MCM8: variants seen among roughly 807,000 people sequenced by gnomAD.
MCM8 encodes the protein DNA helicase MCM8.
In MCM8, 85 loss-of-function variants were observed where a neutral mutation model predicts 98.9. The observed-to-expected ratio is 0.86, with a 90% CI of 0.72 to 1.03. The LOEUF is 1.03. Among genes scored for constraint, MCM8 ranks in the 50% least tolerant of loss-of-function variants. The probability of loss-of-function intolerance (pLI) is 0.00; values close to 1 mark genes in which losing one functional copy is unlikely to be tolerated. For synonymous variants in MCM8, 352 were observed against 338.6 expected (o/e 1.04, Z -0.44); for missense variants, 951 against 997.8 (o/e 0.95, Z 0.63).
chr20:5,972,096 TA>T, intron 11 of MCM8, 59 bp downstream of exon 11: 1 of 1,382,174 alleles, frequency 7.2e-7, no homozygotes, highest in African/African-American at 1.5e-5. Flanking sequence ...AAATAACATA[TA>T]AAAACTTTAC....
At position 5,955,266 on chromosome 20, in the gene MCM8, T is replaced by C; in HGVS notation, c.486+15T>C. ...CAATACATCAGGTAACTATTTGTCT[T>C]ATGCATACTTTTGTCTAAACTTTTT... On this transcript the variant is annotated intron_variant, in intron 5 of 18. Transcript: ENST00000610722. The C allele has an allele frequency of 6.2e-7, 1 of 1,604,916 alleles. No homozygotes were observed.
chr20:5,982,957 A>C lies in MCM8; in HGVS notation c.1538-13A>C. The C allele has an allele frequency of 6.3e-7, 1 of 1,599,844 alleles. No homozygotes were observed. The highest frequency in any genetic ancestry group is 8.5e-7 in the Non-Finnish European group (1 of 1,175,492). ...AAAAATGTTTTTTCTGCTTTATTCT[A>C]CTTCGATTGTAGGTATTTGTGGAAT... On this transcript the variant is annotated splice_polypyrimidine_tract_variant and intron_variant, in intron 13 of 18. Transcript: ENST00000610722.
chr20:5,994,358 A>G lies in MCM8; in HGVS notation c.2490A>G (p.Lys830=), dbSNP rs2089914380. The change falls in exon 19 of 19, where the codon AAA becomes AAG. Residue 830 remains lysine, a synonymous_variant. Transcript: ENST00000610722. ...ATGACCAGGGTTACCTCTTGAAAAA[A>G]GGCCCAAAAGTTTACCAGCTTCAAA... is the stretch of plus-strand genomic sequence containing the variant. ...SLNDQGYLLK[K]GPKVYQLQTM 2 of 1,609,582 alleles carry G rather than the reference A, an allele frequency of 1.2e-6. No individual in the cohort carries two copies. Among genetic ancestry groups the G allele is most frequent in the East Asian group, 2.2e-5 (1 of 44,664 alleles).
In MCM8 at chr20:5,998,677, C is replaced by G. The variant is rs541646925; in HGVS notation, c.*4286C>G. The stretch of plus-strand genomic sequence containing the variant: ...TGTTTTACAGTCCTTTTAAATGTGG[C>G]TAGCTACAGTAGTTTGTGTTTCCTG... On this transcript the variant is annotated 3_prime_UTR_variant, in exon 19 of 19. Coordinates refer to ENST00000610722, the MANE Select transcript of MCM8 (RefSeq NM_032485.6). 1.3e-5 allele frequency: 2 copies of G among 152,308 alleles called. No individual in the cohort carries two copies. Among genetic ancestry groups the G allele is most frequent in the Admixed American group, 1.3e-4 (2 of 15,296 alleles). 9.4% of individuals were successfully genotyped at this position (152,308 alleles called of 1,614,324 possible). A position where few individuals can be genotyped will look rare whatever the true frequency, so the allele number is the denominator to read the frequency against.
chr20:5,957,524 A>G (rs1193256116), intron 6 of MCM8, among the ~76,000 whole-genome samples: 2 of 152,200 alleles, frequency 1.3e-5, no homozygotes, highest in Non-Finnish European at 2.9e-5. Flanking sequence ...TAATCCATGT[A>G]TGGGTTGAGT....
intron 2 of MCM8, 110 bp downstream of exon 2, chr20:5,952,273 T>G: frequency 6.4e-7 from 1 of 1,562,750 alleles, no homozygotes; most frequent in Non-Finnish European, 8.6e-7. Flanking sequence ...TTCATGCTAC[T>G]CCTTAGTAAG....
intron 10 of MCM8, among the ~76,000 whole-genome samples, chr20:5,971,597 T>C (rs530375580): frequency 8.5e-5 from 13 of 152,314 alleles, no homozygotes; most frequent in African/African-American, 1.7e-4. Context: ...CTTAGAGTAT[T>C]ATATACTGAG....
At chr20:5,976,006 G>A (rs1456923665) in intron 12 of MCM8, among the ~76,000 whole-genome samples, 4 of 152,038 alleles carry the variant, frequency 2.6e-5, no homozygotes, top group Non-Finnish European at 5.9e-5. Context: ...GCCACACTAA[G>A]CCAGGGTTTT....
Position 5,977,861 on chromosome 20 carries a change from T to A in MCM8, c.1396-15T>A. The A allele has an allele frequency of 6.2e-7, 1 of 1,611,984 alleles. No individual in the cohort carries two copies. Reference sequence around the variant, plus strand: ...TTTACTTTGGATGATTCTCTTAAACTTTTTGTTTCCTTAGGCAGCGTGCAA... The same window carrying A: ...TTTACTTTGGATGATTCTCTTAAACATTTTGTTTCCTTAGGCAGCGTGCAA... On this transcript the variant is annotated splice_polypyrimidine_tract_variant and intron_variant, in intron 12 of 18. Transcript: ENST00000610722.
chr20:5,964,075 C>T (rs1203099250), intron 8 of MCM8, among the ~76,000 whole-genome samples: 1 of 148,258 alleles, frequency 6.7e-6, no homozygotes. Flanking sequence ...ATTTTATGTT[C>T]TCAATGTTGC....
At chr20:5,959,891 G>T (rs532633145) in intron 7 of MCM8, among the ~76,000 whole-genome samples, 1 of 151,926 alleles carries the variant, frequency 6.6e-6, no homozygotes, top group Non-Finnish European at 1.5e-5. Context: ...TAGAGACAAG[G>T]TTTCACTATG....
At chr20:5,969,155 C>T (rs2122727289) in intron 10 of MCM8, among the ~76,000 whole-genome samples, 1 of 152,310 alleles carries the variant, frequency 6.6e-6, no homozygotes, top group South Asian at 2.1e-4. Context: ...AACATAACTA[C>T]TGCAACATAC....
At chr20:5,958,798 C>T in intron 7 of MCM8, 72 bp downstream of exon 7, 2 of 1,371,768 alleles carry the variant, frequency 1.5e-6, no homozygotes, top group East Asian at 2.3e-5. Context: ...AAAACATTTC[C>T]CAGTGTTTCT....
chr20:5,981,714 AAG>A (rs2089634749), intron 13 of MCM8, among the ~76,000 whole-genome samples: 1 of 152,232 alleles, frequency 6.6e-6, no homozygotes, highest in Non-Finnish European at 1.5e-5. Flanking sequence ...CGTAGGAAGA[AAG>A]AAAGACATTT....
chr20:5,984,762 TTTC>T lies in MCM8; in HGVS notation c.1734-16_1734-14del. 3 of 1,569,400 alleles carry T rather than the reference TTTC, an allele frequency of 1.9e-6. No individual in the cohort carries two copies. Among genetic ancestry groups the T allele is most frequent in the Non-Finnish European group, 2.6e-6 (3 of 1,145,184 alleles). ...TTTTGATTCCAATCATTGTTTCTTCTTTCTTTCATCCTTCATAGAATGGGGAGT... is the reference window on the plus strand; with the variant it reads ...TTTTGATTCCAATCATTGTTTCTTCTTTTCATCCTTCATAGAATGGGGAGT... On this transcript the variant is annotated splice_polypyrimidine_tract_variant and intron_variant, in intron 14 of 18. Coordinates refer to ENST00000610722, the MANE Select transcript of MCM8 (RefSeq NM_032485.6).
At chr20:5,976,454 T>G (rs2089513576) in intron 12 of MCM8, among the ~76,000 whole-genome samples, 1 of 151,766 alleles carries the variant, frequency 6.6e-6, no homozygotes, top group Non-Finnish European at 1.5e-5. Context: ...AAGGGGCTAG[T>G]TTTGTTTTTA....
At chr20:5,963,858 A>G (rs2089213325) in intron 8 of MCM8, among the ~76,000 whole-genome samples, 1 of 152,134 alleles carries the variant, frequency 6.6e-6, no homozygotes, top group African/African-American at 2.4e-5. Context: ...TTTGAAATTT[A>G]TTCTCTGTCA....
At position 5,958,522 on chromosome 20, in the gene MCM8, C is replaced by T. The variant is rs1750077694; in HGVS notation, c.591-6C>T. The T allele has an allele frequency of 3.7e-6, 6 of 1,611,430 alleles. No individual in the cohort carries two copies. Among genetic ancestry groups the T allele is most frequent in the Non-Finnish European group, 5.1e-6 (6 of 1,178,348 alleles). ...TTCTGTTCATTACTTCCTGTTTTGT[C>T]TTTAGGGTGTACAACTATGAGCCTT... On this transcript the variant is annotated splice_polypyrimidine_tract_variant and splice_region_variant and intron_variant, in intron 6 of 18. Coordinates refer to ENST00000610722, the MANE Select transcript of MCM8 (RefSeq NM_032485.6).
At chr20:5,951,325 C>T (rs2088815890) in intron 1 of MCM8, among the ~76,000 whole-genome samples, 1 of 152,126 alleles carries the variant, frequency 6.6e-6, no homozygotes, top group Non-Finnish European at 1.5e-5. Flanking sequence ...ATTATTGGAG[C>T]CCTGTCATGC....
Sources: allele counts gnomAD v4.1 joint callset (sites outside exome capture counted in the v4.1 genomes callset), GRCh38; gene constraint gnomAD v4.1.1; transcripts MANE v1.5; gene names NCBI Gene and HGNC (gene_info 2026-07-23, HGNC 2026-07-21).